NR2F1-AS1: variants seen among roughly 807,000 people sequenced by gnomAD.
The protein encoded by NR2F1-AS1 is NR2F1 antisense RNA 1.
intron 2 of NR2F1-AS1, among the ~76,000 whole-genome samples, chr5:93,561,039 C>T (rs1048872758): frequency 2.0e-5 from 3 of 152,122 alleles, no homozygotes; most frequent in Non-Finnish European, 2.9e-5. Flanking sequence ...TTTGGGATAC[C>T]GAGGCGGGCA....
chr5:93,515,930 C>T lies in NR2F1-AS1; in HGVS notation n.638+37831G>A, dbSNP rs1415187018. Among the ~76,000 whole-genome samples the T allele has an allele frequency of 2.6e-5, 4 of 151,960 alleles. No individual in the cohort carries two copies. The East Asian group carries it at 7.7e-4, about 29-fold the overall frequency. On this transcript the variant is annotated intron_variant and non_coding_transcript_variant, in intron 4 of 5. Transcript: ENST00000660523. The stretch of plus-strand genomic sequence containing the variant: ...TACAACCAATGAAGACTTCAAGGAT[C>T]TGCTGAAAAGGTACATAGTAAGAAC...
At chr5:93,575,000 G>T (rs1047464467) in intron 1 of NR2F1-AS1, among the ~76,000 whole-genome samples, 1 of 152,256 alleles carries the variant, frequency 6.6e-6, no homozygotes, top group South Asian at 2.1e-4. Context: ...CTTTAGAACT[G>T]CAATCGCCTG....
chr5:93,582,891 C>A (rs886425682), upstream of NR2F1-AS1, among the ~76,000 whole-genome samples: 2 of 151,988 alleles, frequency 1.3e-5, no homozygotes, highest in African/African-American at 4.8e-5. Flanking sequence ...GAAACACACC[C>A]CCCTCCCTCA....
chr5:93,449,703 T>C (rs896231464), intron 4 of NR2F1-AS1, among the ~76,000 whole-genome samples: 9 of 152,122 alleles, frequency 5.9e-5, no homozygotes, highest in Admixed American at 4.6e-4. Flanking sequence ...ATTACAAAGA[T>C]TTCTCCTGTT....
At chr5:93,473,480 ATAAT>A (rs1177488972) in intron 4 of NR2F1-AS1, among the ~76,000 whole-genome samples, 1 of 151,880 alleles carries the variant, frequency 6.6e-6, no homozygotes, top group Admixed American at 6.6e-5. Context: ...TCACAAGTAT[ATAAT>A]TAGTTACATT....
intron 4 of NR2F1-AS1, among the ~76,000 whole-genome samples, chr5:93,471,711 T>C (rs1403177216): frequency 6.6e-6 from 1 of 151,918 alleles, no homozygotes. Context: ...GATAGTCGTA[T>C]TGTATTTCAC....
chr5:93,484,003 T>A (rs1750659257), intron 4 of NR2F1-AS1, among the ~76,000 whole-genome samples: 1 of 152,160 alleles, frequency 6.6e-6, no homozygotes, highest in African/African-American at 2.4e-5. Context: ...ATGAGGAGAA[T>A]GGAACCAAGT....
intron 4 of NR2F1-AS1, among the ~76,000 whole-genome samples, chr5:93,536,734 T>C (rs1580312802): frequency 6.6e-6 from 1 of 152,172 alleles, no homozygotes; most frequent in East Asian, 1.9e-4. Flanking sequence ...AATATCCATA[T>C]GTAGAAGAAT....
chr5:93,446,147 G>A (rs1413500458), intron 4 of NR2F1-AS1, among the ~76,000 whole-genome samples: 2 of 152,166 alleles, frequency 1.3e-5, no homozygotes, highest in Admixed American at 6.5e-5. Context: ...GCATAAGACA[G>A]GGATGCCCTC....
chr5:93,479,311 C>T (rs564376118), intron 4 of NR2F1-AS1, among the ~76,000 whole-genome samples: 1 of 152,312 alleles, frequency 6.6e-6, no homozygotes, highest in Admixed American at 6.5e-5. Context: ...GCTGACGCAG[C>T]TTCCCAGGCA....
At chr5:93,456,944 A>G (rs1749961335) in intron 4 of NR2F1-AS1, among the ~76,000 whole-genome samples, 1 of 152,176 alleles carries the variant, frequency 6.6e-6, no homozygotes, top group Admixed American at 6.5e-5. Flanking sequence ...AAACATCTCA[A>G]TGCTTTAAAG....
intron 4 of NR2F1-AS1, among the ~76,000 whole-genome samples, chr5:93,504,535 G>A (rs937460406): frequency 6.6e-6 from 1 of 152,048 alleles, no homozygotes; most frequent in South Asian, 2.1e-4. Context: ...TTTTCATGCT[G>A]CTGATAAAGG....
chr5:93,455,798 T>G (rs1028772525), intron 4 of NR2F1-AS1, among the ~76,000 whole-genome samples: 1 of 151,658 alleles, frequency 6.6e-6, no homozygotes, highest in African/African-American at 2.4e-5. Context: ...TTTTAACTTA[T>G]GAAAAAAATC....
chr5:93,544,403 T>C (rs1017293741), intron 4 of NR2F1-AS1, among the ~76,000 whole-genome samples: 1 of 152,152 alleles, frequency 6.6e-6, no homozygotes, highest in Non-Finnish European at 1.5e-5. Flanking sequence ...CCATAGAATA[T>C]ATAATTATAT....
At chr5:93,569,483 T>C (rs894895233) in intron 1 of NR2F1-AS1, among the ~76,000 whole-genome samples, 1 of 152,230 alleles carries the variant, frequency 6.6e-6, no homozygotes, top group Non-Finnish European at 1.5e-5. Context: ...AGCGTTTCCC[T>C]GACTTTGAAG....
chr5:93,544,133 T>C (rs1752021316), intron 4 of NR2F1-AS1: 2 of 152,168 alleles, frequency 1.3e-5, no homozygotes, highest in Admixed American at 1.3e-4. Flanking sequence ...AAAATATTTT[T>C]ATACAAAGTT....
At chr5:93,577,986 G>C (rs928086571) in intron 1 of NR2F1-AS1, among the ~76,000 whole-genome samples, 1 of 152,122 alleles carries the variant, frequency 6.6e-6, no homozygotes, top group Non-Finnish European at 1.5e-5. Context: ...TTTTTACAAG[G>C]CCACTTTTGT....
intron 1 of NR2F1-AS1, among the ~76,000 whole-genome samples, chr5:93,572,241 G>GC (rs1752787001): frequency 6.6e-6 from 1 of 152,236 alleles, no homozygotes; most frequent in Non-Finnish European, 1.5e-5. Context: ...CTCTGTCCTG[G>GC]CGCTGGGGCC....
intron 1 of NR2F1-AS1, among the ~76,000 whole-genome samples, chr5:93,573,794 C>T (rs1752832826): frequency 6.6e-6 from 1 of 152,170 alleles, no homozygotes; most frequent in Non-Finnish European, 1.5e-5. Flanking sequence ...CTTCCTCTTC[C>T]TGAAAGACAG....
Sources: gnomAD v4.1 joint callset for allele counts (sites outside exome capture counted in the v4.1 genomes callset) on GRCh38, gnomAD v4.1.1 for gene constraint, MANE v1.5 for transcripts, NCBI Gene and HGNC (gene_info 2026-07-23, HGNC 2026-07-21) for gene names.